OPRM1: variants seen among roughly 807,000 people sequenced by gnomAD.
OPRM1 encodes opioid receptor mu 1, also known as mu-type opioid receptor.
A neutral mutation model predicts 31.8 loss-of-function variants in OPRM1; 27 were observed. The ratio of observed to expected loss-of-function variants is 0.85; its 90% CI spans 0.63 to 1.17. The LOEUF (loss-of-function observed/expected upper bound fraction) is 1.17, where lower values mean the gene tolerates loss of function less well. OPRM1 is among the 50% of genes most tolerant of loss of function. The pLI is 0.00. For synonymous variants in OPRM1, 196 were observed against 189.9 expected (o/e 1.03, Z -0.26); for missense variants, 536 against 511.1 (o/e 1.05, Z -0.47).
rs373252661 is a variant in OPRM1, at chr6:154,064,495, A to G, written c.290+24661A>G. Among the ~76,000 whole-genome samples the G allele has an allele frequency of 9.2e-5, 14 of 152,238 alleles. No individual in the cohort carries two copies. In the East Asian group the frequency reaches 2.1e-3, roughly 23 times the overall value. ...TTAACAAAAGTTTTCAGTTTTTATG[A>G]CATGCAATGTGTCCATGTTTGCTTT... On this transcript the variant is annotated intron_variant, in intron 1 of 3. Coordinates refer to ENST00000330432, the MANE Select transcript of OPRM1 (RefSeq NM_000914.5).
intron 1 of OPRM1, among the ~76,000 whole-genome samples, chr6:154,084,563 G>C (rs1289324608): frequency 6.6e-6 from 1 of 152,104 alleles, no homozygotes; most frequent in East Asian, 1.9e-4. Context: ...ATGTAGGAAA[G>C]TATCTTTATC....
At chr6:154,208,950 C>T (rs1472156489) in intron 3 of OPRM1, among the ~76,000 whole-genome samples, 1 of 152,162 alleles carries the variant, frequency 6.6e-6, no homozygotes, top group African/African-American at 2.4e-5. Context: ...GATGTTCTTT[C>T]CACTATCAAC....
At chr6:154,071,152 A>G (rs1786630784) in intron 1 of OPRM1, among the ~76,000 whole-genome samples, 1 of 152,338 alleles carries the variant, frequency 6.6e-6, no homozygotes, top group African/African-American at 2.4e-5. Context: ...ATAATATGGA[A>G]AGAGACTTAA....
intron 3 of OPRM1, among the ~76,000 whole-genome samples, chr6:154,186,851 C>T (rs1272327417): frequency 2.6e-5 from 4 of 152,084 alleles, no homozygotes; most frequent in South Asian, 4.2e-4. Context: ...CCACCACGCC[C>T]GGCCCAGAGC....
intron 1 of OPRM1, among the ~76,000 whole-genome samples, chr6:154,047,532 A>G (rs1781367455): frequency 6.6e-6 from 1 of 151,976 alleles, no homozygotes; most frequent in Non-Finnish European, 1.5e-5. Context: ...TATTAGTCCT[A>G]TCCTGGATGT....
At chr6:154,221,595 C>T (rs112844481) in intron 3 of OPRM1, among the ~76,000 whole-genome samples, 4 of 152,206 alleles carry the variant, frequency 2.6e-5, no homozygotes, top group East Asian at 1.9e-4. Context: ...TAGGTATGGC[C>T]GGGCACGGTG....
At chr6:154,108,167 T>C in intron 3 of OPRM1, 2 of 485,500 alleles carry the variant, frequency 4.1e-6, no homozygotes, top group Non-Finnish European at 7.4e-6. Flanking sequence ...GGAAATTTTT[T>C]TTTTTCATTC....
At chr6:154,051,752 T>G (rs1315091087) in intron 1 of OPRM1, among the ~76,000 whole-genome samples, 2 of 152,190 alleles carry the variant, frequency 1.3e-5, no homozygotes, top group African/African-American at 2.4e-5. Flanking sequence ...GTTCAACCAT[T>G]GTGGAAGACA....
intron 3 of OPRM1, among the ~76,000 whole-genome samples, chr6:154,139,516 T>C (rs935318168): frequency 6.6e-6 from 1 of 152,194 alleles, no homozygotes; most frequent in Non-Finnish European, 1.5e-5. Context: ...ACAGCTACCA[T>C]GCCCCAAGGA....
At position 154,082,760 on chromosome 6, in the gene OPRM1, A is replaced by T. The variant is rs145660828; in HGVS notation, c.291-7066A>T. 3.0e-3 allele frequency among the ~76,000 whole-genome samples: 458 copies of T among 152,348 alleles called. 4 individuals are homozygous for T. The highest frequency in any genetic ancestry group is 0.01 in the African/African-American group (426 of 41,592). ...GTTCTTAGAATAAAAGCAAAGCAGT[A>T]TTCTCTGTAAACCAAAAATCTCTAG... On this transcript the variant is annotated intron_variant, in intron 1 of 3. Coordinates refer to ENST00000330432, the MANE Select transcript of OPRM1 (RefSeq NM_000914.5).
chr6:154,118,949 T>A lies in OPRM1; in HGVS notation c.*228T>A. 2 of 1,280,694 alleles carry A rather than the reference T, an allele frequency of 1.6e-6. No individual in the cohort carries two copies. Among genetic ancestry groups the A allele is most frequent in the Non-Finnish European group, 2.0e-6 (2 of 1,013,928 alleles). The allele number at this position is 1,280,694 out of a possible 1,614,324, so 79.3% of individuals were successfully genotyped here. On this transcript the variant is annotated 3_prime_UTR_variant, in exon 4 of 4. Coordinates refer to ENST00000330432, the MANE Select transcript of OPRM1 (RefSeq NM_000914.5). The stretch of plus-strand genomic sequence containing the variant: ...GAATATACCACACCGAGGAGTCCAG[T>A]TTGTGCAAGACACCCAGTGGAACCA...
intron 3 of OPRM1, among the ~76,000 whole-genome samples, chr6:154,240,387 T>C (rs1780483909): frequency 6.6e-6 from 1 of 152,166 alleles, no homozygotes; most frequent in East Asian, 1.9e-4. Flanking sequence ...CCTATAAAAT[T>C]TTTTTGAATC....
At chr6:154,053,095 C>G (rs1167750094) in intron 1 of OPRM1, among the ~76,000 whole-genome samples, 1 of 152,222 alleles carries the variant, frequency 6.6e-6, no homozygotes, top group African/African-American at 2.4e-5. Flanking sequence ...TATTACCACC[C>G]TTAGCCAGTG....
intron 3 of OPRM1, among the ~76,000 whole-genome samples, chr6:154,203,000 G>A (rs1001245223): frequency 6.6e-6 from 1 of 152,168 alleles, no homozygotes; most frequent in Non-Finnish European, 1.5e-5. Context: ...AGTGAACCTG[G>A]AGTTTAATTT....
chr6:154,029,326 T>C (rs73788962), intron 1 of OPRM1, among the ~76,000 whole-genome samples: 50 of 152,324 alleles, frequency 3.3e-4, no homozygotes, highest in Non-Finnish European at 2.9e-4. Flanking sequence ...GCAATCTTTT[T>C]AAATGGTCAT....
intron 3 of OPRM1, among the ~76,000 whole-genome samples, chr6:154,178,813 T>C (rs1381960103): frequency 6.6e-6 from 1 of 152,244 alleles, no homozygotes; most frequent in Non-Finnish European, 1.5e-5. Context: ...CTCAGCTTCC[T>C]GCCTCTCAGC....
intron 1 of OPRM1, among the ~76,000 whole-genome samples, chr6:154,066,673 T>TGA (rs146037745): frequency 0.079 from 11,904 of 151,054 alleles, 555 homozygotes; most frequent in South Asian, 0.2. Flanking sequence ...TTATAAGAAT[T>TGA]GAGAGAGAGA....
chr6:154,033,928 TACCTTAGC>T (rs1779147357), intron 1 of OPRM1, among the ~76,000 whole-genome samples: 1 of 152,212 alleles, frequency 6.6e-6, no homozygotes, highest in Non-Finnish European at 1.5e-5. Context: ...CAACTGCTAA[TACCTTAGC>T]AGGAATCGAA....
intron 2 of OPRM1, 45 bp from the exon 3 acceptor site, chr6:154,090,907 A>G (rs752068551): frequency 6.4e-7 from 1 of 1,562,162 alleles, no homozygotes; most frequent in Admixed American, 1.8e-5. Context: ...TTATGACATA[A>G]TTAAATGTTG....
Sources: allele counts gnomAD v4.1 joint callset (sites outside exome capture counted in the v4.1 genomes callset), GRCh38; gene constraint gnomAD v4.1.1; transcripts MANE v1.5; gene names NCBI Gene and HGNC (gene_info 2026-07-23, HGNC 2026-07-21).